The following TBCD variants were observed in gnomAD, a reference collection of about 807,000 sequenced individuals.
TBCD encodes tubulin folding cofactor D.
TBCD carries 105 observed loss-of-function variants against 169.3 expected under a neutral mutation model. That is an observed-to-expected ratio of 0.62 (90% CI 0.53 to 0.73). TBCD has a LOEUF of 0.73. Ranked by LOEUF, TBCD falls within the 30% of genes least tolerant of loss-of-function variation. TBCD has a pLI of 0.00. For missense variants in TBCD, 1,444 were observed against 1,600.1 expected, an observed-to-expected ratio of 0.90 and a Z score of 1.66; for synonymous variants, 700 against 643.9, an observed-to-expected ratio of 1.09 and a Z score of -1.32.
intron 13 of TBCD, among the ~76,000 whole-genome samples, chr17:82,858,015 C>T (rs990334637): frequency 1.3e-5 from 2 of 151,978 alleles, no homozygotes; most frequent in African/African-American, 4.8e-5. Flanking sequence ...CAGGCTCAAG[C>T]GATCCTCCTG....
At chr17:82,858,701 C>T (rs1598986547) in intron 13 of TBCD, 4 of 967,226 alleles carry the variant, frequency 4.1e-6, no homozygotes, top group African/African-American at 1.8e-5. Flanking sequence ...TACTTACCTT[C>T]ATATTTTCTG....
At position 82,835,303 on chromosome 17, in the gene TBCD, C is replaced by T. The variant is rs538351849; in HGVS notation, c.1318+20369C>T. 2.6e-5 allele frequency among the ~76,000 whole-genome samples: 4 copies of T among 152,314 alleles called. No individual in the cohort carries two copies. The highest frequency in any genetic ancestry group is 9.6e-5 in the African/African-American group (4 of 41,564). ...TCCTCCCTGCACCCGTGTCCTTCCT[C>T]CCACACGCCAGGGGCCAGGGGTGGT... On this transcript the variant is annotated intron_variant, in intron 13 of 38. Coordinates refer to ENST00000355528, the MANE Select transcript of TBCD (RefSeq NM_005993.5). This position sits in a 1 kb window ranked among gnomAD's most constrained non-coding sequence, Gnocchi z 4.5.
intron 13 of TBCD, among the ~76,000 whole-genome samples, chr17:82,868,696 T>C (rs1467840570): frequency 6.6e-6 from 1 of 152,218 alleles, no homozygotes; most frequent in Non-Finnish European, 1.5e-5. Context: ...CATATAATAT[T>C]CGTAGTCCTA....
intron 13 of TBCD, among the ~76,000 whole-genome samples, chr17:82,815,226 C>T (rs1480464068): frequency 1.3e-5 from 2 of 152,204 alleles, no homozygotes; most frequent in Non-Finnish European, 2.9e-5. Flanking sequence ...ATTTTAATGC[C>T]ACAGATTACC....
At chr17:82,852,882 G>A (rs1881941708) in intron 13 of TBCD, among the ~76,000 whole-genome samples, 1 of 152,184 alleles carries the variant, frequency 6.6e-6, no homozygotes, top group Non-Finnish European at 1.5e-5. Flanking sequence ...CCTGGGCTTG[G>A]AGCATAGGAC....
intron 9 of TBCD, among the ~76,000 whole-genome samples, chr17:82,803,494 C>T (rs1280429050): frequency 1.3e-5 from 2 of 152,328 alleles, no homozygotes; most frequent in Admixed American, 6.5e-5. Context: ...TTTTGGGCCT[C>T]TGTCTCAGCA....
chr17:82,816,079 C>T (rs541313014), intron 13 of TBCD, among the ~76,000 whole-genome samples: 15 of 152,274 alleles, frequency 9.9e-5, no homozygotes, highest in South Asian at 8.3e-4. Context: ...CCAGCACCCC[C>T]GCCCTGGCAG....
At position 82,903,686 on chromosome 17, in the gene TBCD, T is replaced by C. The variant is rs2060039341; in HGVS notation, c.1804+208T>C. ...GTCCGCCTGCAGGGCAGGGAGCCGCTGAACTGTGTTACGTACACCGGAGCC... is the reference window on the plus strand; with the variant it reads ...GTCCGCCTGCAGGGCAGGGAGCCGCCGAACTGTGTTACGTACACCGGAGCC... On this transcript the variant is annotated intron_variant, in intron 19 of 38. Transcript: ENST00000355528. This position sits in a 1 kb window ranked among gnomAD's most constrained non-coding sequence, Gnocchi z 4.8. Among the ~76,000 whole-genome samples the C allele has an allele frequency of 6.6e-6, 1 of 152,202 alleles. No individual in the cohort carries two copies. Among genetic ancestry groups the C allele is most frequent in the South Asian group, 2.1e-4 (1 of 4,834 alleles).
intron 13 of TBCD, chr17:82,860,284 C>T: frequency 9.5e-6 from 8 of 841,526 alleles, no homozygotes; most frequent in Non-Finnish European, 1.1e-5. Context: ...AGGGAGGGCC[C>T]CCGCCCCCTG....
chr17:82,837,033 T>A (rs1334070125), intron 13 of TBCD, among the ~76,000 whole-genome samples: 1 of 152,206 alleles, frequency 6.6e-6, no homozygotes, highest in Admixed American at 6.5e-5. Flanking sequence ...AACCGACCTC[T>A]CAGGCTTGCA....
intron 17 of TBCD, among the ~76,000 whole-genome samples, chr17:82,898,393 C>T (rs991389521): frequency 6.6e-6 from 1 of 152,050 alleles, no homozygotes; most frequent in African/African-American, 2.4e-5. Context: ...TGGGAGCACA[C>T]GGCTGCTTCC....
chr17:82,830,389 G>T, intron 13 of TBCD: 1 of 1,612,160 alleles, frequency 6.2e-7, no homozygotes, highest in Non-Finnish European at 8.5e-7. Flanking sequence ...GCTGTAGGCC[G>T]CCAGCTGGCA....
chr17:82,820,520 G>A (rs533918220), intron 13 of TBCD, among the ~76,000 whole-genome samples: 147 of 151,400 alleles, frequency 9.7e-4, no homozygotes, highest in African/African-American at 2.8e-3. Flanking sequence ...CATCAAACTC[G>A]GGTAGTTTTC....
At chr17:82,873,464 TGA>T (rs2057753368) in intron 14 of TBCD, among the ~76,000 whole-genome samples, 2 of 152,252 alleles carry the variant, frequency 1.3e-5, no homozygotes, top group South Asian at 2.1e-4. Flanking sequence ...GTGACTGTAA[TGA>T]GAGTCTCCAG....
chr17:82,923,838 C>G lies in TBCD; in HGVS notation c.2260+105C>G, dbSNP rs1227210334. On this transcript the variant is annotated intron_variant, in intron 26 of 38. Coordinates refer to ENST00000355528, the MANE Select transcript of TBCD (RefSeq NM_005993.5). The surrounding 1 kb of genome is among the most constrained non-coding windows in gnomAD (Gnocchi z 4.6). ...GCCTCGGTTGTGCAGTGGAGCAGAG[C>G]CACCACGATCATGGCTGGAGTGGGA... 1.1e-6 allele frequency: 1 copy of G among 891,054 alleles called. No homozygotes were observed. Among genetic ancestry groups the G allele is most frequent in the Non-Finnish European group, 1.7e-6 (1 of 584,352 alleles). 55.2% of individuals were successfully genotyped at this position (891,054 alleles called of 1,614,324 possible).
chr17:82,902,365 C>T (rs1225814791), intron 18 of TBCD, among the ~76,000 whole-genome samples: 1 of 152,214 alleles, frequency 6.6e-6, no homozygotes, highest in Non-Finnish European at 1.5e-5. Flanking sequence ...TAGCTGAGGG[C>T]CGTCCTTACG....
In TBCD at chr17:82,831,159, G is replaced by A. The variant is rs757853496; in HGVS notation, c.1318+16225G>A. On this transcript the variant is annotated intron_variant, in intron 13 of 38. Transcript: ENST00000355528. This position sits in a 1 kb window ranked among gnomAD's most constrained non-coding sequence, Gnocchi z 4.6. ...CGCTGGAGGCTGCCTTGTTGGAGAGGTCGTACAGGCCTTCGCAGGTCTGGC... is the reference window on the plus strand; with the variant it reads ...CGCTGGAGGCTGCCTTGTTGGAGAGATCGTACAGGCCTTCGCAGGTCTGGC... 1.2e-6 allele frequency: 2 copies of A among 1,614,168 alleles called. No individual in the cohort carries two copies. The highest frequency in any genetic ancestry group is 4.5e-5 in the East Asian group (2 of 44,882).
intron 1 of TBCD, among the ~76,000 whole-genome samples, chr17:82,753,123 A>T (rs1172631957): frequency 6.6e-6 from 1 of 152,168 alleles, no homozygotes; most frequent in Non-Finnish European, 1.5e-5. Flanking sequence ...ATTCAGTAAA[A>T]TCATCTTTGT....
intron 38 of TBCD, 88 bp from the exon 39 acceptor site, chr17:82,942,361 C>A: frequency 1.3e-6 from 2 of 1,590,060 alleles, no homozygotes; most frequent in Non-Finnish European, 1.7e-6. Context: ...TCAGTCCCCA[C>A]ACAGGGCCCA....
Sources: allele counts gnomAD v4.1 joint callset (sites outside exome capture counted in the v4.1 genomes callset), GRCh38; gene constraint gnomAD v4.1.1; non-coding constraint Gnocchi (gnomAD v3.1); transcripts MANE v1.5; gene names NCBI Gene and HGNC (gene_info 2026-07-23, HGNC 2026-07-21).